The following FAM135B variants were observed in gnomAD, a reference collection of about 807,000 sequenced individuals.
The protein encoded by FAM135B is family with sequence similarity 135 member B.
In FAM135B, 43 loss-of-function variants were observed where a neutral mutation model predicts 127.7. That is an observed-to-expected ratio of 0.34 (90% confidence interval 0.26 to 0.43). The LOEUF (loss-of-function observed/expected upper bound fraction) is 0.43. Ranked by LOEUF, FAM135B falls within the 20% of genes least tolerant of loss-of-function variation. The pLI, the probability that FAM135B is intolerant of heterozygous loss-of-function variation, is 1.00. For missense variants in FAM135B, 1,558 were observed against 1,725.6 expected, an observed-to-expected ratio of 0.90 and a Z score of 1.72; for synonymous variants, 670 against 665.1, an observed-to-expected ratio of 1.01 and a Z score of -0.11.
intron 2 of FAM135B, among the ~76,000 whole-genome samples, chr8:138,318,374 C>A (rs567219432): frequency 1.3e-5 from 2 of 152,332 alleles, no homozygotes; most frequent in South Asian, 4.2e-4. Context: ...TTGCCAGGGG[C>A]TATGCATCCC....
At chr8:138,468,088 G>T (rs545991745) in intron 1 of FAM135B, among the ~76,000 whole-genome samples, 3 of 152,278 alleles carry the variant, frequency 2.0e-5, no homozygotes, top group African/African-American at 7.2e-5. Flanking sequence ...TTAAACCTGG[G>T]ACTAGGAACT....
chr8:138,291,037 G>T (rs1408239507), intron 3 of FAM135B, among the ~76,000 whole-genome samples: 1 of 152,080 alleles, frequency 6.6e-6, no homozygotes, highest in African/African-American at 2.4e-5. Context: ...GGGACTTTCT[G>T]CATCTCCATA....
At chr8:138,220,262 C>G (rs147761091) in intron 7 of FAM135B, among the ~76,000 whole-genome samples, 8 of 152,086 alleles carry the variant, frequency 5.3e-5, no homozygotes, top group Non-Finnish European at 8.8e-5. Flanking sequence ...AGCCAGGAGT[C>G]GAGGATAGGC....
intron 12 of FAM135B, among the ~76,000 whole-genome samples, chr8:138,156,991 G>A (rs940427690): frequency 3.9e-5 from 6 of 152,000 alleles, no homozygotes; most frequent in South Asian, 2.1e-4. Flanking sequence ...GAGACACATC[G>A]AAAAAAGAGA....
chr8:138,420,418 A>G (rs984890169), intron 1 of FAM135B, among the ~76,000 whole-genome samples: 17 of 152,288 alleles, frequency 1.1e-4, no homozygotes, highest in Non-Finnish European at 2.5e-4. Flanking sequence ...AATTTACCAG[A>G]TATAGACAGT....
chr8:138,239,963 C>T lies in FAM135B; in HGVS notation c.669+2979G>A, dbSNP rs185280701. Among the ~76,000 whole-genome samples the T allele has an allele frequency of 3.6e-5, 5 of 138,140 alleles. No homozygotes were observed. In the East Asian group the frequency reaches 1.1e-3, roughly 29 times the overall value. The allele number at this position is 138,140 out of a possible 152,430, so 90.6% of individuals were successfully genotyped here. ...GAATTGAACAATGAGAACACTTGGA[C>T]ACAGGAAGGGGAACATCACACACCA... On this transcript the variant is annotated intron_variant, in intron 7 of 19. Coordinates refer to ENST00000395297, the MANE Select transcript of FAM135B (RefSeq NM_015912.4).
intron 7 of FAM135B, among the ~76,000 whole-genome samples, chr8:138,208,051 C>T (rs1033502618): frequency 7.9e-5 from 12 of 152,224 alleles, no homozygotes; most frequent in Non-Finnish European, 1.6e-4. Flanking sequence ...TCACACCCAA[C>T]TTCAGATTCC....
rs1819262704 is a variant in FAM135B, at chr8:138,224,507, G to A, written c.669+18435C>T. ...GCTGGAATGCAGAGGCCCGATCTCG[G>A]CTCACTGCAACCTCCGCCTAACATT... On this transcript the variant is annotated intron_variant, in intron 7 of 19. Transcript: ENST00000395297. Among the ~76,000 whole-genome samples the A allele has an allele frequency of 3.3e-5, 5 of 152,258 alleles. No homozygotes were observed. In the South Asian group the frequency reaches 1.0e-3, roughly 32 times the overall value.
chr8:138,206,383 TCCC>T (rs1320952676), intron 7 of FAM135B, among the ~76,000 whole-genome samples: 1 of 148,662 alleles, frequency 6.7e-6, no homozygotes, highest in Admixed American at 6.7e-5. Flanking sequence ...AACTCTATCA[TCCC>T]CTCCACCTAC....
Position 138,367,987 on chromosome 8 carries a change from CT to C in FAM135B, c.-5del. On this transcript the variant is annotated 5_prime_UTR_variant, in exon 2 of 20. Coordinates refer to ENST00000395297, the MANE Select transcript of FAM135B (RefSeq NM_015912.4). Reference sequence around the variant, plus strand: ...CCGTTCCTTGTATTTCAGACATGATCTTTTTGGCTCATTACCTGAAAAACAA... The same window carrying C: ...CCGTTCCTTGTATTTCAGACATGATCTTTTGGCTCATTACCTGAAAAACAA... 1 of 1,613,238 alleles carries C rather than the reference CT, an allele frequency of 6.2e-7. No homozygotes were observed. Among genetic ancestry groups the C allele is most frequent in the Non-Finnish European group, 8.5e-7 (1 of 1,179,426 alleles).
chr8:138,426,735 A>C (rs1388568683), intron 1 of FAM135B, among the ~76,000 whole-genome samples: 2 of 151,968 alleles, frequency 1.3e-5, no homozygotes, highest in Non-Finnish European at 2.9e-5. Context: ...TATTCTATTA[A>C]GAATCTATTA....
At chr8:138,150,955 G>T (rs1818087675) in intron 13 of FAM135B, among the ~76,000 whole-genome samples, 2 of 151,698 alleles carry the variant, frequency 1.3e-5, no homozygotes, top group Non-Finnish European at 2.9e-5. Flanking sequence ...TATACACAGT[G>T]GTTACATTTG....
chr8:138,340,863 T>C (rs556669176), intron 2 of FAM135B, among the ~76,000 whole-genome samples: 111 of 152,286 alleles, frequency 7.3e-4, no homozygotes, highest in Non-Finnish European at 1.0e-3. Context: ...ATGGCCCTTC[T>C]TTCTCTTGGG....
intron 4 of FAM135B, among the ~76,000 whole-genome samples, chr8:138,265,481 CTGTT>C (rs1822842825): frequency 6.6e-6 from 1 of 152,126 alleles, no homozygotes; most frequent in South Asian, 2.1e-4. Flanking sequence ...TCAATGGAGA[CTGTT>C]TGCACTTGAG....
chr8:138,438,799 GC>G (rs750314109), intron 1 of FAM135B: 1 of 152,156 alleles, frequency 6.6e-6, no homozygotes, highest in Admixed American at 6.5e-5. Flanking sequence ...TACTGGACCA[GC>G]CATTTAATAA....
At chr8:138,218,790 GAGAGAGAGAGAGAGGGAGAGAA>G (rs1195328970) in intron 7 of FAM135B, among the ~76,000 whole-genome samples, 29 of 106,264 alleles carry the variant, frequency 2.7e-4, no homozygotes, top group African/African-American at 8.9e-4. Flanking sequence ...GAGAGAGAGA[GAGAGAGAGAGAGAGGGAGAGAA>G]AGAGAGAGAG....
intron 15 of FAM135B, among the ~76,000 whole-genome samples, chr8:138,144,619 C>T (rs960595798): frequency 5.3e-5 from 8 of 152,274 alleles, no homozygotes; most frequent in African/African-American, 1.7e-4. Context: ...CAGGAACTCC[C>T]CAGCCAAGGC....
chr8:138,193,849 G>T (rs1816366439), intron 9 of FAM135B, among the ~76,000 whole-genome samples: 1 of 152,198 alleles, frequency 6.6e-6, no homozygotes, highest in Admixed American at 6.5e-5. Context: ...CATTGTCTCA[G>T]GTCCCACAGC....
At chr8:138,383,341 T>C (rs1218028570) in intron 1 of FAM135B, among the ~76,000 whole-genome samples, 3 of 152,230 alleles carry the variant, frequency 2.0e-5, no homozygotes, top group African/African-American at 7.2e-5. Context: ...GTGGTCAGTT[T>C]TCCTTATCTG....
Sources: gnomAD v4.1 joint callset for allele counts (sites outside exome capture counted in the v4.1 genomes callset) on GRCh38, gnomAD v4.1.1 for gene constraint, MANE v1.5 for transcripts, NCBI Gene and HGNC (gene_info 2026-07-23, HGNC 2026-07-21) for gene names.